Variants in EDN1 observed in about 807,000 individuals in gnomAD.
EDN1 encodes endothelin-1.
In EDN1, 11 loss-of-function variants were observed where a neutral mutation model predicts 21.7. The ratio of observed to expected loss-of-function variants is 0.51; its 90% confidence interval spans 0.32 to 0.84. The LOEUF (loss-of-function observed/expected upper bound fraction) is 0.84. EDN1 is among the 40% of genes least tolerant of loss of function. EDN1 has a pLI of 0.03. For missense variants in EDN1, 244 were observed against 262.3 expected (o/e 0.93, Z 0.48); for synonymous variants, 85 against 90.6 (o/e 0.94, Z 0.35).
the EDN1 span, among the ~76,000 whole-genome samples, chr6:12,282,980 GA>G: frequency 4.6e-5 from 7 of 151,046 alleles, no homozygotes; most frequent in South Asian, 2.1e-4. Context: ...AAGCTTCACA[GA>G]AAAAAAAATT....
At chr6:12,246,546 T>G in the EDN1 span, among the ~76,000 whole-genome samples, 9 of 152,306 alleles carry the variant, frequency 5.9e-5, no homozygotes, top group South Asian at 1.2e-3. Flanking sequence ...TCTGTAACCC[T>G]GCTGCTTGGG....
chr6:12,287,754 AGG>A (rs1762585301), upstream of EDN1, among the ~76,000 whole-genome samples: 4 of 41,346 alleles, frequency 9.7e-5, no homozygotes, highest in Non-Finnish European at 2.2e-4. Context: ...ACACACACAC[AGG>A]CGCGCGCGCG....
the EDN1 span, among the ~76,000 whole-genome samples, chr6:12,237,080 T>C: frequency 6.6e-6 from 1 of 150,930 alleles, no homozygotes; most frequent in Non-Finnish European, 1.5e-5. Flanking sequence ...GCGGTGGTGT[T>C]TGGTTTTCTG....
At chr6:12,269,813 T>C in the EDN1 span, among the ~76,000 whole-genome samples, 1 of 152,106 alleles carries the variant, frequency 6.6e-6, no homozygotes, top group Non-Finnish European at 1.5e-5. Flanking sequence ...TGGGTAATGC[T>C]GGCTTTATAA....
At chr6:12,268,087 G>A in the EDN1 span, among the ~76,000 whole-genome samples, 1 of 152,094 alleles carries the variant, frequency 6.6e-6, no homozygotes, top group East Asian at 1.9e-4. Flanking sequence ...CATTGACAAT[G>A]TACCTGGTTA....
the EDN1 span, among the ~76,000 whole-genome samples, chr6:12,272,546 C>T: frequency 6.6e-6 from 1 of 150,704 alleles, no homozygotes; most frequent in South Asian, 2.1e-4. Flanking sequence ...CAACCTGCAC[C>T]TCCTTCATTC....
chr6:12,293,804 AC>A (rs1363194914), intron 2 of EDN1, 136 bp from the exon 3 acceptor site: 2 of 967,292 alleles, frequency 2.1e-6, no homozygotes, highest in Non-Finnish European at 1.6e-6. Context: ...CTGTTGTTAC[AC>A]TTTACCCTCT....
the EDN1 span, among the ~76,000 whole-genome samples, chr6:12,241,969 T>C: frequency 2.0e-5 from 3 of 152,204 alleles, no homozygotes; most frequent in Admixed American, 6.5e-5. Flanking sequence ...CATAAAAGGC[T>C]TGGGGGAAGG....
At chr6:12,235,879 C>T in the EDN1 span, among the ~76,000 whole-genome samples, 330 of 152,334 alleles carry the variant, frequency 2.2e-3, 2 homozygotes, top group African/African-American at 7.6e-3. Context: ...CAGTGCAGCT[C>T]TGCAATATTG....
At chr6:12,272,121 G>A in the EDN1 span, among the ~76,000 whole-genome samples, 1 of 152,092 alleles carries the variant, frequency 6.6e-6, no homozygotes, top group Non-Finnish European at 1.5e-5. Context: ...CAGTTGAGAT[G>A]GTGTAAGGCT....
the EDN1 span, among the ~76,000 whole-genome samples, chr6:12,270,164 T>G: frequency 6.6e-6 from 1 of 152,232 alleles, no homozygotes; most frequent in African/African-American, 2.4e-5. Context: ...TGTATTTGGC[T>G]TTTATCTTTA....
chr6:12,268,843 TC>T, the EDN1 span, among the ~76,000 whole-genome samples: 7 of 152,138 alleles, frequency 4.6e-5, no homozygotes, highest in East Asian at 1.9e-4. Context: ...CTTTTTCTAT[TC>T]CTGTGAAATA....
In EDN1 at chr6:12,296,233, T is replaced by A; in HGVS notation, c.*166T>A. On this transcript the variant is annotated 3_prime_UTR_variant, in exon 5 of 5. Transcript: ENST00000379375. ...AAACATTCCAAGAAAGGTTAAGGAG[T>A]TCCCCCAACCATCTTCACTGGCTTC... The A allele has an allele frequency of 1.5e-6, 1 of 656,806 alleles. No individual in the cohort carries two copies. Among genetic ancestry groups the A allele is most frequent in the Non-Finnish European group, 2.8e-6 (1 of 362,736 alleles). 40.7% of individuals were successfully genotyped at this position (656,806 alleles called of 1,614,324 possible). A position where few individuals can be genotyped will look rare whatever the true frequency, so the allele number is the denominator to read the frequency against.
chr6:12,287,551 G>A (rs1031544241), upstream of EDN1, among the ~76,000 whole-genome samples: 2 of 152,050 alleles, frequency 1.3e-5, no homozygotes, highest in African/African-American at 4.8e-5. Flanking sequence ...CCTACAGGAG[G>A]AAAAGGGAGC....
At chr6:12,256,325 C>T in the EDN1 span, among the ~76,000 whole-genome samples, 4 of 152,268 alleles carry the variant, frequency 2.6e-5, no homozygotes, top group South Asian at 2.1e-4. Flanking sequence ...TGCGCTCCAG[C>T]GTGGGCAACA....
chr6:12,272,452 C>CTTTTTTTTTTTTTTTTTTTTTTTTTTTT, the EDN1 span, among the ~76,000 whole-genome samples: 1 of 106,812 alleles, frequency 9.4e-6, no homozygotes, highest in Non-Finnish European at 1.8e-5. Context: ...GAGTCATACT[C>CTTTTTTTTTTTTTTTTTTTTTTTTTTTT]TTTTTTTTTT....
the EDN1 span, among the ~76,000 whole-genome samples, chr6:12,261,835 G>C: frequency 6.6e-6 from 1 of 152,172 alleles, no homozygotes; most frequent in African/African-American, 2.4e-5. Flanking sequence ...TTAAAGGAAG[G>C]GTCAAAAGGG....
chr6:12,290,204 G>A (rs1762635824), upstream of EDN1, among the ~76,000 whole-genome samples: 1 of 152,202 alleles, frequency 6.6e-6, no homozygotes, highest in African/African-American at 2.4e-5. Context: ...AGTTAGCAGT[G>A]ATTTCCTTTC....
the EDN1 span, among the ~76,000 whole-genome samples, chr6:12,265,893 A>G: frequency 2.0e-5 from 3 of 152,226 alleles, no homozygotes; most frequent in Non-Finnish European, 4.4e-5. Context: ...GAAAAAGTCT[A>G]CAGTTGCGAT....
Sources: gnomAD v4.1 joint callset for allele counts (sites outside exome capture counted in the v4.1 genomes callset) on GRCh38, gnomAD v4.1.1 for gene constraint, MANE v1.5 for transcripts, NCBI Gene and HGNC (gene_info 2026-07-23, HGNC 2026-07-21) for gene names.